Variants in ATXN7 observed in about 807,000 individuals in gnomAD.
ATXN7 encodes the protein ataxin 7.
ATXN7 carries 12 observed loss-of-function variants against 70.5 expected under a neutral mutation model. That is an observed-to-expected ratio of 0.17 (90% CI 0.11 to 0.28). The LOEUF is 0.28. Among genes scored for constraint, ATXN7 ranks in the 10% least tolerant of loss-of-function variants. The pLI, the probability that ATXN7 is intolerant of heterozygous loss-of-function variation, is 1.00. For missense variants in ATXN7, 1,256 were observed against 1,131.7 expected (o/e 1.11, Z -1.58); for synonymous variants, 498 against 448.7 (o/e 1.11, Z -1.39).
At chr3:63,867,266 G>A (rs550033622) in intron 1 of ATXN7, among the ~76,000 whole-genome samples, 2 of 152,192 alleles carry the variant, frequency 1.3e-5, no homozygotes, top group East Asian at 1.9e-4. Flanking sequence ...AGAGATCCAG[G>A]ACTTAAAAAA....
chr3:63,893,760 C>T (rs1287313011), intron 1 of ATXN7, among the ~76,000 whole-genome samples: 1 of 152,154 alleles, frequency 6.6e-6, no homozygotes, highest in Non-Finnish European at 1.5e-5. Flanking sequence ...TGGAGTAACT[C>T]TGAGCAGTGG....
At chr3:63,976,032 G>A (rs1445658766) in intron 5 of ATXN7, among the ~76,000 whole-genome samples, 1 of 152,122 alleles carries the variant, frequency 6.6e-6, no homozygotes, top group Non-Finnish European at 1.5e-5. Flanking sequence ...CCTGGAGAGA[G>A]GAGCGCTTTG....
intron 1 of ATXN7, among the ~76,000 whole-genome samples, chr3:63,885,040 C>G (rs1332541088): frequency 6.6e-6 from 1 of 152,164 alleles, no homozygotes. Context: ...AAAGAGACAG[C>G]TTCCTGACAT....
intron 4 of ATXN7, among the ~76,000 whole-genome samples, chr3:63,927,158 T>G (rs1459576457): frequency 6.6e-6 from 1 of 152,268 alleles, no homozygotes; most frequent in African/African-American, 2.4e-5. Context: ...GAATGATTTA[T>G]AATACTTTGG....
Position 63,863,893 on chromosome 3 carries a change from G to C in ATXN7, c.-376G>C, listed in dbSNP as rs897655781. 3.2e-5 allele frequency: 37 copies of C among 1,139,794 alleles called. No individual in the cohort carries two copies. Among genetic ancestry groups the C allele is most frequent in the Admixed American group, 2.0e-4 (4 of 20,208 alleles). The allele number at this position is 1,139,794 out of a possible 1,614,324, so 70.6% of individuals were successfully genotyped here. ...CAATGCAGCCGGGTAAACAGCCATG[G>C]AGGAGGAGGCGGCGGCGCCCGCGGC... On this transcript the variant is annotated 5_prime_UTR_variant, in exon 1 of 13. Coordinates refer to ENST00000674280, the MANE Select transcript of ATXN7 (RefSeq NM_001377405.1).
chr3:63,918,481 A>G (rs1704375871), intron 4 of ATXN7, among the ~76,000 whole-genome samples: 2 of 152,188 alleles, frequency 1.3e-5, no homozygotes, highest in Admixed American at 1.3e-4. Context: ...AAATATTTTA[A>G]TGATCCTCCT....
chr3:63,918,021 A>G (rs963893231), intron 4 of ATXN7, among the ~76,000 whole-genome samples: 5 of 152,170 alleles, frequency 3.3e-5, no homozygotes, highest in Admixed American at 2.6e-4. Context: ...CACCTCTCTT[A>G]TCTTTGATAT....
intron 5 of ATXN7, among the ~76,000 whole-genome samples, chr3:63,960,041 T>C (rs931924839): frequency 2.0e-5 from 3 of 152,134 alleles, no homozygotes; most frequent in Admixed American, 6.6e-5. Context: ...CAGGTAGTGA[T>C]AAATGCTAGG....
rs2075464584 is a variant in ATXN7, at chr3:63,980,310, A to G, written c.752+143A>G. Reference sequence around the variant, plus strand: ...CAAATGTATGTTGTATTGTTTCTTGATGTTTCCCTGTCATGTCATAGGAAA... The same window carrying G: ...CAAATGTATGTTGTATTGTTTCTTGGTGTTTCCCTGTCATGTCATAGGAAA... On this transcript the variant is annotated intron_variant, in intron 6 of 12. Transcript: ENST00000674280. 5 of 1,186,614 alleles carry G rather than the reference A, an allele frequency of 4.2e-6. No individual in the cohort carries two copies. The South Asian group carries it at 6.2e-5, about 15-fold the overall frequency. 73.5% of individuals were successfully genotyped at this position (1,186,614 alleles called of 1,614,324 possible).
In ATXN7 at chr3:63,952,532, A is replaced by G. The variant is rs910550541; in HGVS notation, c.499+49A>G. 2.9e-6 allele frequency: 4 copies of G among 1,371,810 alleles called. No individual in the cohort carries two copies. The African/African-American group carries it at 4.3e-5, about 15-fold the overall frequency. The allele number at this position is 1,371,810 out of a possible 1,614,324, so 85.0% of individuals were successfully genotyped here. The stretch of plus-strand genomic sequence containing the variant: ...ATTGTTAATAGAAGGTAAAAGGTAA[A>G]GCAAGATTAAACTAAGGAACAGTGA... On this transcript the variant is annotated intron_variant, in intron 5 of 12. Transcript: ENST00000674280.
At chr3:63,929,455 T>G (rs981999270) in intron 4 of ATXN7, among the ~76,000 whole-genome samples, 1 of 152,068 alleles carries the variant, frequency 6.6e-6, no homozygotes, top group African/African-American at 2.4e-5. Flanking sequence ...GTATTTTTAG[T>G]AGAGACCGGG....
intron 4 of ATXN7, among the ~76,000 whole-genome samples, chr3:63,915,231 C>A (rs1296496922): frequency 6.6e-6 from 1 of 152,108 alleles, no homozygotes; most frequent in Non-Finnish European, 1.5e-5. Context: ...CACCGCCTGG[C>A]CCTTGTTAGT....
chr3:63,927,240 A>G (rs979944455), intron 4 of ATXN7, among the ~76,000 whole-genome samples: 5 of 152,150 alleles, frequency 3.3e-5, no homozygotes, highest in South Asian at 2.1e-4. Context: ...AATTTTCCAC[A>G]TCACTCTCTA....
chr3:63,877,086 A>G (rs1163400298), intron 1 of ATXN7, among the ~76,000 whole-genome samples: 1 of 152,232 alleles, frequency 6.6e-6, no homozygotes, highest in African/African-American at 2.4e-5. Context: ...AGCAAAGTCC[A>G]TAGAATGATT....
In ATXN7 at chr3:64,003,407, ATTTG is replaced by A. The variant is rs2075856868; in HGVS notation, c.*3944_*3947del. On this transcript the variant is annotated 3_prime_UTR_variant, in exon 13 of 13. Transcript: ENST00000674280. ...TTAAAAGAGAAGAAATATATAGTCT[ATTTG>A]TTTTGTAACAAGTTTCTGTAAATAA... 6.6e-6 allele frequency: 1 copy of A among 152,098 alleles called. No individual in the cohort carries two copies. The highest frequency in any genetic ancestry group is 1.5e-5 in the Non-Finnish European group (1 of 67,996). 9.4% of individuals were successfully genotyped at this position (152,098 alleles called of 1,614,324 possible).
intron 2 of ATXN7, among the ~76,000 whole-genome samples, chr3:63,909,355 C>T (rs1703939245): frequency 6.6e-6 from 1 of 152,160 alleles, no homozygotes; most frequent in Non-Finnish European, 1.5e-5. Flanking sequence ...TGCTTGGGCT[C>T]AGGAGTTTGA....
At chr3:63,928,607 TA>T (rs1309638461) in intron 4 of ATXN7, among the ~76,000 whole-genome samples, 3 of 152,076 alleles carry the variant, frequency 2.0e-5, no homozygotes, top group Non-Finnish European at 4.4e-5. Context: ...CTGAAACAGG[TA>T]TTTATATTAT....
intron 2 of ATXN7, among the ~76,000 whole-genome samples, chr3:63,907,013 G>T (rs1703860547): frequency 6.6e-6 from 1 of 152,206 alleles, no homozygotes; most frequent in Non-Finnish European, 1.5e-5. Context: ...CAGCAAGATT[G>T]GTCTGATAGT....
At chr3:63,999,056 G>A (rs1368578254) in intron 12 of ATXN7, 1 of 182,690 alleles carries the variant, frequency 5.5e-6, no homozygotes, top group Non-Finnish European at 1.2e-5. Flanking sequence ...TCACACCTGT[G>A]TGTGCTAGCC....
Sources: allele counts gnomAD v4.1 joint callset (sites outside exome capture counted in the v4.1 genomes callset), GRCh38; gene constraint gnomAD v4.1.1; transcripts MANE v1.5; gene names NCBI Gene and HGNC (gene_info 2026-07-23, HGNC 2026-07-21).